Variants in SKAP2 observed in about 807,000 individuals in gnomAD.
The protein encoded by SKAP2 is src kinase-associated phosphoprotein 2.
SKAP2 carries 28 observed loss-of-function variants against 54.9 expected under a neutral mutation model. That is an observed-to-expected ratio of 0.51 (90% CI 0.38 to 0.70). The LOEUF is 0.70. Among genes scored for constraint, SKAP2 ranks in the 30% least tolerant of loss-of-function variants. SKAP2 has a pLI of 0.00. For synonymous variants in SKAP2, 137 were observed against 134.3 expected, an observed-to-expected ratio of 1.02 and a Z score of -0.14; for missense variants, 356 against 424.1, an observed-to-expected ratio of 0.84 and a Z score of 1.41.
At chr7:26,806,507 T>G (rs1459385038) in intron 4 of SKAP2, among the ~76,000 whole-genome samples, 2 of 152,184 alleles carry the variant, frequency 1.3e-5, no homozygotes, top group African/African-American at 4.8e-5. Flanking sequence ...CCTGGGAATT[T>G]GAGGCTGCAA....
chr7:26,721,116 G>T (rs927036473), intron 9 of SKAP2, among the ~76,000 whole-genome samples: 1 of 152,166 alleles, frequency 6.6e-6, no homozygotes, highest in Non-Finnish European at 1.5e-5. Flanking sequence ...TCTTTCCATT[G>T]CATTCCAAAG....
At chr7:26,728,381 C>T (rs1787753194) in intron 6 of SKAP2, among the ~76,000 whole-genome samples, 1 of 152,062 alleles carries the variant, frequency 6.6e-6, no homozygotes, top group African/African-American at 2.4e-5. Context: ...AGTAATTAAA[C>T]TTCTATAAGA....
chr7:26,853,419 C>T (rs529041454), intron 3 of SKAP2, among the ~76,000 whole-genome samples: 1 of 152,160 alleles, frequency 6.6e-6, no homozygotes, highest in African/African-American at 2.4e-5. Flanking sequence ...CCCAGTTTCC[C>T]CTAAAGAATT....
At chr7:26,795,178 T>C (rs1783749131) in intron 4 of SKAP2, among the ~76,000 whole-genome samples, 1 of 152,350 alleles carries the variant, frequency 6.6e-6, no homozygotes, top group African/African-American at 2.4e-5. Flanking sequence ...GTTTATGCCA[T>C]CAAATTCCTC....
At chr7:26,861,615 C>CTTTTT (rs34331819) in intron 1 of SKAP2, among the ~76,000 whole-genome samples, 1 of 116,148 alleles carries the variant, frequency 8.6e-6, no homozygotes, top group Non-Finnish European at 1.8e-5. Flanking sequence ...ATAACAACCT[C>CTTTTT]TTTTTTTTTT....
chr7:26,713,495 A>C lies in SKAP2; in HGVS notation c.796+11933T>G, dbSNP rs1787354370. ...AGACAAGATAAAAACAAAAAGCTTC[A>C]GTATTAGGAAAGGATAGACTGGAAA... is the stretch of plus-strand genomic sequence containing the variant. On this transcript the variant is annotated intron_variant, in intron 9 of 12. Coordinates refer to ENST00000345317, the MANE Select transcript of SKAP2 (RefSeq NM_003930.5). 2.0e-5 allele frequency among the ~76,000 whole-genome samples: 3 copies of C among 152,216 alleles called. No homozygotes were observed. In the South Asian group the frequency reaches 6.2e-4, roughly 32 times the overall value.
chr7:26,788,901 T>C (rs1783617098), intron 4 of SKAP2, among the ~76,000 whole-genome samples: 1 of 152,160 alleles, frequency 6.6e-6, no homozygotes, highest in Non-Finnish European at 1.5e-5. Context: ...ACATAGTCTC[T>C]TCGGAATAAT....
chr7:26,680,590 G>A (rs1403183083), intron 11 of SKAP2, among the ~76,000 whole-genome samples: 1 of 152,118 alleles, frequency 6.6e-6, no homozygotes, highest in East Asian at 1.9e-4. Flanking sequence ...TTATAAATTT[G>A]ATCCATTTTT....
intron 4 of SKAP2, among the ~76,000 whole-genome samples, chr7:26,741,993 T>C (rs1294013162): frequency 6.6e-6 from 1 of 152,190 alleles, no homozygotes; most frequent in African/African-American, 2.4e-5. Context: ...AGCCCTGATT[T>C]TGAAATGTAT....
At chr7:26,705,528 T>C (rs1248131445) in intron 9 of SKAP2, among the ~76,000 whole-genome samples, 5 of 152,184 alleles carry the variant, frequency 3.3e-5, no homozygotes, top group African/African-American at 1.2e-4. Context: ...TTTACACCTA[T>C]TCTAGCTAAA....
intron 10 of SKAP2, among the ~76,000 whole-genome samples, chr7:26,685,233 G>A (rs1333997632): frequency 1.3e-5 from 2 of 152,102 alleles, no homozygotes; most frequent in African/African-American, 4.8e-5. Flanking sequence ...TCCATGAGAT[G>A]TGACACACAC....
chr7:26,745,744 G>T (rs1782547849), intron 4 of SKAP2, among the ~76,000 whole-genome samples: 1 of 152,062 alleles, frequency 6.6e-6, no homozygotes. Context: ...CAAATTACTG[G>T]GATCAAGTGA....
intron 4 of SKAP2, among the ~76,000 whole-genome samples, chr7:26,749,653 G>T (rs1782637029): frequency 6.6e-6 from 1 of 151,534 alleles, no homozygotes; most frequent in African/African-American, 2.4e-5. Context: ...AAGGCAGGAG[G>T]ATAGTTTGAG....
At chr7:26,848,633 C>T (rs192776073) in intron 3 of SKAP2, among the ~76,000 whole-genome samples, 1 of 152,214 alleles carries the variant, frequency 6.6e-6, no homozygotes, top group Admixed American at 6.5e-5. Context: ...TGAGTGATAA[C>T]CATTCCTTCT....
At chr7:26,688,528 A>G (rs1786700262) in intron 10 of SKAP2, among the ~76,000 whole-genome samples, 1 of 152,200 alleles carries the variant, frequency 6.6e-6, no homozygotes, top group Non-Finnish European at 1.5e-5. Flanking sequence ...CCTGCATGGC[A>G]AACAAACTTC....
At chr7:26,736,078 G>A (rs1787933968) in intron 6 of SKAP2, among the ~76,000 whole-genome samples, 1 of 152,134 alleles carries the variant, frequency 6.6e-6, no homozygotes, top group Non-Finnish European at 1.5e-5. Flanking sequence ...TTTTTAAAGT[G>A]GAAGTGTCAG....
chr7:26,864,129 G>A (rs901705317), intron 1 of SKAP2, among the ~76,000 whole-genome samples: 2 of 149,552 alleles, frequency 1.3e-5, no homozygotes, highest in African/African-American at 5.0e-5. Context: ...CATTTGTGTA[G>A]ATCACCAAAA....
At chr7:26,723,760 A>G (rs897211809) in intron 9 of SKAP2, among the ~76,000 whole-genome samples, 15 of 152,068 alleles carry the variant, frequency 9.9e-5, no homozygotes, top group Admixed American at 2.6e-4. Flanking sequence ...TACAGAACTT[A>G]ACAGTTATTT....
chr7:26,678,694 G>A (rs1001684558), intron 11 of SKAP2, among the ~76,000 whole-genome samples: 1 of 152,082 alleles, frequency 6.6e-6, no homozygotes, highest in African/African-American at 2.4e-5. Flanking sequence ...TCCTGCCTCG[G>A]CCTCCCAAAG....
Sources: allele counts gnomAD v4.1 joint callset (sites outside exome capture counted in the v4.1 genomes callset), GRCh38; gene constraint gnomAD v4.1.1; transcripts MANE v1.5; gene names NCBI Gene and HGNC (gene_info 2026-07-23, HGNC 2026-07-21).